The following ING3 variants were observed in gnomAD, a reference collection of about 807,000 sequenced individuals.
ING3 encodes the protein inhibitor of growth protein 3.
A neutral mutation model predicts 64.8 loss-of-function variants in ING3; 6 were observed. That is an observed-to-expected ratio of 0.09 (90% confidence interval 0.05 to 0.18). The LOEUF is 0.18. Among genes scored for constraint, ING3 ranks in the 10% least tolerant of loss-of-function variants. The pLI is 1.00. For synonymous variants in ING3, 170 were observed against 173.7 expected (o/e 0.98, Z 0.17); for missense variants, 310 against 489.7 (o/e 0.63, Z 3.46).
At chr7:120,965,562 T>C (rs1231837224) in intron 5 of ING3, among the ~76,000 whole-genome samples, 2 of 152,236 alleles carry the variant, frequency 1.3e-5, no homozygotes, top group Non-Finnish European at 2.9e-5. Context: ...ATTAATATTA[T>C]GGCTAATTTC....
In ING3 at chr7:120,975,289, A is replaced by C. The variant is rs1463086444; in HGVS notation, c.*445A>C. The C allele has an allele frequency of 6.6e-6, 1 of 152,102 alleles. No homozygotes were observed. Among genetic ancestry groups the C allele is most frequent in the Non-Finnish European group, 1.5e-5 (1 of 67,998 alleles). The allele number at this position is 152,102 out of a possible 1,614,324, so 9.4% of individuals were successfully genotyped here. A position where few individuals can be genotyped will look rare whatever the true frequency, so the allele number is the denominator to read the frequency against. On this transcript the variant is annotated 3_prime_UTR_variant, in exon 12 of 12. Transcript: ENST00000315870. The stretch of plus-strand genomic sequence containing the variant: ...TATAAATGGTTGCAAAAAAAAAAAA[A>C]AGTCAGTGCTTCTAAAAAGAATTTA...
intron 4 of ING3, among the ~76,000 whole-genome samples, chr7:120,958,507 T>G (rs1262105084): frequency 1.3e-5 from 2 of 152,210 alleles, no homozygotes; most frequent in African/African-American, 4.8e-5. Flanking sequence ...CTGAACCTGA[T>G]CATCACTTGG....
At chr7:120,953,601 T>C (rs1466056704) in intron 3 of ING3, among the ~76,000 whole-genome samples, 197 bp downstream of exon 3, 1 of 152,230 alleles carries the variant, frequency 6.6e-6, no homozygotes, top group East Asian at 1.9e-4. Flanking sequence ...ATTAAAAATA[T>C]TGTTTCAATA....
chr7:120,962,182 C>T (rs1795941271), intron 4 of ING3, among the ~76,000 whole-genome samples: 2 of 152,056 alleles, frequency 1.3e-5, no homozygotes, highest in African/African-American at 4.8e-5. Context: ...TTCTTGTGGT[C>T]AATGGGACTT....
intron 10 of ING3, 80 bp downstream of exon 10, chr7:120,970,960 T>A: frequency 7.7e-7 from 1 of 1,292,084 alleles, no homozygotes; most frequent in Non-Finnish European, 1.1e-6. Context: ...AAGCACTTTT[T>A]TAAACTCACT....
At chr7:120,970,086 T>G (rs984324588) in intron 9 of ING3, among the ~76,000 whole-genome samples, 3 of 152,206 alleles carry the variant, frequency 2.0e-5, no homozygotes, top group African/African-American at 7.2e-5. Context: ...CACACATCAG[T>G]TGATGGTTAT....
intron 2 of ING3, among the ~76,000 whole-genome samples, chr7:120,953,042 A>G (rs544779272): frequency 9.2e-5 from 14 of 152,286 alleles, no homozygotes; most frequent in African/African-American, 3.1e-4. Context: ...AAATTATAGT[A>G]TAGAGCCTAT....
intron 4 of ING3, among the ~76,000 whole-genome samples, chr7:120,958,757 T>C (rs1356013219): frequency 6.6e-6 from 1 of 152,240 alleles, no homozygotes; most frequent in Non-Finnish European, 1.5e-5. Context: ...CATTTAAACA[T>C]GCTCAGGTCT....
At position 120,967,619 on chromosome 7, in the gene ING3, C is replaced by A; in HGVS notation, c.527C>A (p.Thr176Lys). The change falls in exon 7 of 12, where the codon ACG (threonine) becomes AAG (lysine). Residue 176 changes from threonine (T) to lysine (K), a missense_variant. By Grantham distance (78) the Thr-to-Lys change is moderately conservative. This residue lies in a region of ING3 where 233 missense variants were observed against 289.4 expected (regional missense o/e 0.81). Coordinates refer to ENST00000315870, the MANE Select transcript of ING3 (RefSeq NM_019071.3). The part of the protein sequence containing the change: ...FKSEALLSTL[T>K]SDASKENTLG... Reference sequence around the variant, plus strand: ...TCTGAAGCTCTTCTATCCACCCTTACGTCAGATGCCTCTAAGGAAAATACA... The same window carrying A: ...TCTGAAGCTCTTCTATCCACCCTTAAGTCAGATGCCTCTAAGGAAAATACA... 1 of 1,604,304 alleles carries A rather than the reference C, an allele frequency of 6.2e-7. No homozygotes were observed.
chr7:120,954,438 A>G (rs1315076251), intron 3 of ING3, among the ~76,000 whole-genome samples: 1 of 152,136 alleles, frequency 6.6e-6, no homozygotes, highest in Non-Finnish European at 1.5e-5. Context: ...CGTCTCAAAA[A>G]AAAAAAAGGG....
chr7:120,956,276 C>T, intron 4 of ING3: 2 of 1,493,308 alleles, frequency 1.3e-6, no homozygotes, highest in South Asian at 1.3e-5. Flanking sequence ...AAAATATACA[C>T]TTTAAGAAAT....
Position 120,969,056 on chromosome 7 carries a change from G to A in ING3, c.760G>A (p.Ala254Thr). 3.7e-6 allele frequency: 6 copies of A among 1,613,786 alleles called. No individual in the cohort carries two copies. The highest frequency in any genetic ancestry group is 5.1e-6 in the Non-Finnish European group (6 of 1,179,812). ...RTSSLKASYE[A>T]FKNNDFQLGK... ...ATCAAGTTTAAAAGCCAGTTATGAA[G>A]CATTTAAGAATAATGACTTTCAGTT... The change falls in exon 9 of 12, where the codon GCA becomes ACA. Residue 254 changes from alanine to threonine, a missense_variant. Coordinates refer to ENST00000315870, the MANE Select transcript of ING3 (RefSeq NM_019071.3).
At chr7:120,963,712 C>T (rs1270997603) in intron 4 of ING3, among the ~76,000 whole-genome samples, 1 of 152,144 alleles carries the variant, frequency 6.6e-6, no homozygotes, top group South Asian at 2.1e-4. Flanking sequence ...TCTTCATAGG[C>T]ATCTAACCCA....
Position 120,966,492 on chromosome 7 carries a change from T to G in ING3, c.365-134T>G. On this transcript the variant is annotated intron_variant, in intron 5 of 11. Coordinates refer to ENST00000315870, the MANE Select transcript of ING3 (RefSeq NM_019071.3). ...GATCCTCTAACATGTCTGGCTAAAA[T>G]AAATACAGGCATATGCATCAGAACT... 3.9e-6 allele frequency: 3 copies of G among 761,244 alleles called. No homozygotes were observed. The South Asian group carries it at 4.2e-5, about 11-fold the overall frequency. The allele number at this position is 761,244 out of a possible 1,614,324, so 47.2% of individuals were successfully genotyped here. A position where few individuals can be genotyped will look rare whatever the true frequency, so the allele number is the denominator to read the frequency against.
In ING3 at chr7:120,967,961, C is replaced by T; in HGVS notation, c.584C>T (p.Ser195Phe). Residue 195 changes from serine to phenylalanine, a missense_variant, in exon 8 of 12, where the codon TCT (serine) becomes TTT (phenylalanine). Coordinates refer to ENST00000315870, the MANE Select transcript of ING3 (RefSeq NM_019071.3). Reference sequence around the variant, plus strand: ...TGTCGAAATAATAATTCCACAGCCTCTTCTAACAATGCCTACAATGTGAAT... The same window carrying T: ...TGTCGAAATAATAATTCCACAGCCTTTTCTAACAATGCCTACAATGTGAAT... ...LGCRNNNSTA[S>F]SNNAYNVNSS... is the part of the protein sequence containing the mutation. 4.3e-6 allele frequency: 7 copies of T among 1,614,068 alleles called. No individual in the cohort carries two copies. Among genetic ancestry groups the T allele is most frequent in the Non-Finnish European group, 5.9e-6 (7 of 1,179,990 alleles).
Position 120,972,530 on chromosome 7 carries a change from A to G in ING3, c.1102-675A>G, listed in dbSNP as rs555676579. On this transcript the variant is annotated intron_variant, in intron 10 of 11. Coordinates refer to ENST00000315870, the MANE Select transcript of ING3 (RefSeq NM_019071.3). ...TTTTCCTCTGTAACACTAAAAAACTAGAAGGTGATGGAATATGTCTGTAGA... is the reference window on the plus strand; with the variant it reads ...TTTTCCTCTGTAACACTAAAAAACTGGAAGGTGATGGAATATGTCTGTAGA... Among the ~76,000 whole-genome samples, 4 of 152,326 alleles carry G rather than the reference A, an allele frequency of 2.6e-5. No individual in the cohort carries two copies. In the East Asian group the frequency reaches 7.7e-4, roughly 29 times the overall value.
In ING3 at chr7:120,951,077, C is replaced by A. The variant is rs937820282; in HGVS notation, c.29-87C>A. 4.7e-5 allele frequency: 72 copies of A among 1,548,012 alleles called. No homozygotes were observed. The Middle Eastern group carries it at 5.1e-4, about 11-fold the overall frequency. On this transcript the variant is annotated intron_variant, in intron 1 of 11. Coordinates refer to ENST00000315870, the MANE Select transcript of ING3 (RefSeq NM_019071.3). ...AGCCTCGTTGTGGGCTGCCGGCCCC[C>A]TCGACCCCCCTGACGCACGCGCGCA...
In ING3 at chr7:120,959,673, T is replaced by C. The variant is rs890703898; in HGVS notation, c.267+4049T>C. Among the ~76,000 whole-genome samples the C allele has an allele frequency of 5.6e-5, 7 of 124,542 alleles. No individual in the cohort carries two copies. The Admixed American group carries it at 6.8e-4, about 12-fold the overall frequency. The allele number at this position is 124,542 out of a possible 152,430, so 81.7% of individuals were successfully genotyped here. ...TTTTTTTTTTTTTTTTGAGACGGAG[T>C]CTCACTCTTTCGCCCAAGCTGGACT... On this transcript the variant is annotated intron_variant, in intron 4 of 11. Coordinates refer to ENST00000315870, the MANE Select transcript of ING3 (RefSeq NM_019071.3).
intron 5 of ING3, among the ~76,000 whole-genome samples, chr7:120,965,258 C>G (rs1015255287): frequency 9.2e-5 from 14 of 152,306 alleles, no homozygotes; most frequent in Admixed American, 7.2e-4. Context: ...ACTGCATATA[C>G]TGAAAAAGAC....
Sources: allele counts gnomAD v4.1 joint callset (sites outside exome capture counted in the v4.1 genomes callset), GRCh38; gene constraint gnomAD v4.1.1; regional missense constraint gnomAD v4.1.1; transcripts MANE v1.5; gene names NCBI Gene and HGNC (gene_info 2026-07-23, HGNC 2026-07-21).